Variants in CEP70 observed in about 807,000 individuals in gnomAD.
CEP70 encodes centrosomal protein of 70 kDa.
Under a neutral mutation model 90.9 loss-of-function variants are expected in CEP70, and 70 were observed. That is an observed-to-expected ratio of 0.77 (90% CI 0.64 to 0.94). The LOEUF (loss-of-function observed/expected upper bound fraction) is 0.94, where lower values mean the gene tolerates loss of function less well. Among genes scored for constraint, CEP70 ranks in the 40% least tolerant of loss-of-function variants. The pLI, the probability that CEP70 is intolerant of heterozygous loss-of-function variation, is 0.00. For synonymous variants in CEP70, 220 were observed against 228.3 expected, an observed-to-expected ratio of 0.96 and a Z score of 0.33; for missense variants, 648 against 669.0, an observed-to-expected ratio of 0.97 and a Z score of 0.35.
At chr3:138,572,075 C>T (rs2041216245) in intron 3 of CEP70, among the ~76,000 whole-genome samples, 1 of 151,924 alleles carries the variant, frequency 6.6e-6, no homozygotes, top group Non-Finnish European at 1.5e-5. Context: ...ACCGCCCCAG[C>T]CCCTAAGTAT....
chr3:138,554,116 G>A (rs1050287541), intron 6 of CEP70, among the ~76,000 whole-genome samples: 6 of 151,422 alleles, frequency 4.0e-5, no homozygotes, highest in Non-Finnish European at 5.9e-5. Flanking sequence ...CAGGAGAATC[G>A]CCTGAACCTG....
intron 6 of CEP70, among the ~76,000 whole-genome samples, chr3:138,547,005 AAAATG>A (rs761009379): frequency 1.3e-5 from 2 of 152,206 alleles, no homozygotes; most frequent in African/African-American, 2.4e-5. Context: ...TATAAGATGA[AAAATG>A]AAATGAAATG....
At chr3:138,495,296 C>T (rs1027062724) in intron 17 of CEP70, among the ~76,000 whole-genome samples, 1 of 152,114 alleles carries the variant, frequency 6.6e-6, no homozygotes, top group Non-Finnish European at 1.5e-5. Flanking sequence ...TACCACATAC[C>T]CACAAGTACC....
At chr3:138,525,205 G>A (rs370549907) in intron 11 of CEP70, among the ~76,000 whole-genome samples, 3 of 150,522 alleles carry the variant, frequency 2.0e-5, no homozygotes, top group South Asian at 2.1e-4. Context: ...ATAGGTGGGA[G>A]TTGAACAATG....
At chr3:138,588,885 G>C (rs546720377) in intron 2 of CEP70, among the ~76,000 whole-genome samples, 1 of 152,294 alleles carries the variant, frequency 6.6e-6, no homozygotes, top group Admixed American at 6.5e-5. Context: ...CCATTGGATG[G>C]AATACCCCTC....
chr3:138,591,766 G>A, intron 2 of CEP70, 88 bp downstream of exon 2: 1 of 1,049,654 alleles, frequency 9.5e-7, no homozygotes, highest in Non-Finnish European at 1.4e-6. Context: ...GGAAATATAT[G>A]TAATGAACCT....
intron 2 of CEP70, among the ~76,000 whole-genome samples, chr3:138,587,109 ACT>A (rs1282753901): frequency 6.6e-6 from 1 of 152,052 alleles, no homozygotes; most frequent in African/African-American, 2.4e-5. Flanking sequence ...TACATGTAAA[ACT>A]CTGTAAGACA....
rs747568186 is a variant in CEP70, at chr3:138,571,150, G to A, written c.168C>T (p.Ile56=). 12 of 1,588,130 alleles carry A rather than the reference G, an allele frequency of 7.6e-6. No individual in the cohort carries two copies. Among genetic ancestry groups the A allele is most frequent in the African/African-American group, 4.1e-5 (3 of 72,836 alleles). The change falls in exon 5 of 18, where the codon ATC becomes ATT. Residue 56 remains isoleucine (I), a synonymous_variant. Coordinates refer to ENST00000264982, the MANE Select transcript of CEP70 (RefSeq NM_024491.4). ...LVKRTDLKDL[I]IFDKQSSQRM... ...TTTGTGATGACTGTTTGTCAAAAAT[G>A]ATGAGATCTACATTTAAAAAGTATA...
chr3:138,588,801 T>C (rs1050757605), intron 2 of CEP70, among the ~76,000 whole-genome samples: 4 of 152,176 alleles, frequency 2.6e-5, no homozygotes, highest in Non-Finnish European at 5.9e-5. Flanking sequence ...AAGAGCTTTA[T>C]CTATAATAGC....
At chr3:138,502,335 TAGAGAACA>T (rs1487733246) in intron 13 of CEP70, among the ~76,000 whole-genome samples, 148 of 152,296 alleles carry the variant, frequency 9.7e-4, no homozygotes, top group African/African-American at 3.5e-3. Context: ...AGCACAGCTC[TAGAGAACA>T]GAAAGAAGTA....
At chr3:138,520,835 A>G (rs1247478866) in intron 11 of CEP70, among the ~76,000 whole-genome samples, 8 of 151,758 alleles carry the variant, frequency 5.3e-5, no homozygotes, top group Non-Finnish European at 1.5e-5. Flanking sequence ...TCCGTCTCCC[A>G]CTTGGCCACA....
At chr3:138,564,428 C>G (rs551989604) in intron 6 of CEP70, among the ~76,000 whole-genome samples, 2 of 152,290 alleles carry the variant, frequency 1.3e-5, no homozygotes, top group East Asian at 3.9e-4. Flanking sequence ...CCCTGATGAA[C>G]ATCGATGTGA....
At chr3:138,503,186 A>G (rs1157775526) in intron 13 of CEP70, among the ~76,000 whole-genome samples, 1 of 151,598 alleles carries the variant, frequency 6.6e-6, no homozygotes, top group African/African-American at 2.4e-5. Flanking sequence ...ATAACTTCCC[A>G]TTTCCCTCCT....
At chr3:138,532,384 T>C in intron 8 of CEP70, 130 bp downstream of exon 8, 1 of 726,692 alleles carries the variant, frequency 1.4e-6, no homozygotes, top group East Asian at 3.7e-5. Context: ...AAGTTCTTTA[T>C]AAAAAAGAAC....
In CEP70 at chr3:138,526,934, T is replaced by C. The variant is rs776333222; in HGVS notation, c.870-1370A>G. ...AACATCACTTTGTGCCTCATAAATA[T>C]ATACAGCTGTAATTTGTCAATTAGC... On this transcript the variant is annotated intron_variant, in intron 10 of 17. Coordinates refer to ENST00000264982, the MANE Select transcript of CEP70 (RefSeq NM_024491.4). 5.5e-4 allele frequency among the ~76,000 whole-genome samples: 84 copies of C among 152,322 alleles called. 1 individual carries two copies. The highest frequency in any genetic ancestry group is 3.4e-3 in the Middle Eastern group (1 of 294).
intron 6 of CEP70, among the ~76,000 whole-genome samples, chr3:138,546,629 G>A (rs1459676180): frequency 6.6e-6 from 1 of 151,994 alleles, no homozygotes; most frequent in East Asian, 1.9e-4. Context: ...GGTGCCTGTA[G>A]TCCCAGCTAC....
intron 11 of CEP70, among the ~76,000 whole-genome samples, chr3:138,525,203 G>A (rs1041806087): frequency 2.6e-5 from 4 of 151,254 alleles, no homozygotes; most frequent in African/African-American, 9.7e-5. Context: ...TCATAGGTGG[G>A]AGTTGAACAA....
At chr3:138,525,903 T>A (rs547783800) in intron 10 of CEP70, among the ~76,000 whole-genome samples, 6 of 152,332 alleles carry the variant, frequency 3.9e-5, no homozygotes, top group Non-Finnish European at 7.3e-5. Flanking sequence ...TTAACAGATT[T>A]GATTCAAATC....
At chr3:138,576,169 G>A (rs1448376414) in intron 2 of CEP70, among the ~76,000 whole-genome samples, 1 of 152,184 alleles carries the variant, frequency 6.6e-6, no homozygotes, top group Non-Finnish European at 1.5e-5. Context: ...ATCGGATAAA[G>A]AGTCAAGACC....
Sources: allele counts gnomAD v4.1 joint callset (sites outside exome capture counted in the v4.1 genomes callset), GRCh38; gene constraint gnomAD v4.1.1; transcripts MANE v1.5; gene names NCBI Gene and HGNC (gene_info 2026-07-23, HGNC 2026-07-21).